RGS17: variants seen among roughly 807,000 people sequenced by gnomAD.
The protein encoded by RGS17 is regulator of G-protein signaling 17.
RGS17 carries 12 observed loss-of-function variants against 25.5 expected under a neutral mutation model. The observed-to-expected ratio is 0.47, with a 90% CI of 0.30 to 0.76. The LOEUF is 0.76. RGS17 is among the 30% of genes least tolerant of loss of function. The pLI is 0.07. For missense variants in RGS17, 196 were observed against 242.2 expected (o/e 0.81, Z 1.27); for synonymous variants, 71 against 76.9 (o/e 0.92, Z 0.40).
rs563469167 is a variant in RGS17, at chr6:153,057,542, C to A, written c.-25-13499G>T. Among the ~76,000 whole-genome samples the A allele has an allele frequency of 2.2e-4, 33 of 152,188 alleles. 1 individual carries two copies. Among genetic ancestry groups the A allele is most frequent in the African/African-American group, 7.7e-4 (32 of 41,542 alleles). ...CCTTTGGTTAGTTACTCCAGCGGTC[C>A]CCAACTTTTCTGGCACCAGGGACCA... On this transcript the variant is annotated intron_variant, in intron 1 of 4. Transcript: ENST00000206262.
intron 1 of RGS17, among the ~76,000 whole-genome samples, chr6:153,061,314 T>A (rs769278967): frequency 4.6e-5 from 7 of 152,192 alleles, no homozygotes; most frequent in Non-Finnish European, 7.3e-5. Context: ...CACTGTGCCA[T>A]TCTAAAATAA....
At chr6:153,079,487 T>C (rs1036635539) in intron 1 of RGS17, among the ~76,000 whole-genome samples, 4 of 152,230 alleles carry the variant, frequency 2.6e-5, no homozygotes, top group Non-Finnish European at 5.9e-5. Flanking sequence ...GGAATTCTAT[T>C]TCTACTTTGC....
At position 153,048,690 on chromosome 6, in the gene RGS17, G is replaced by T. The variant is rs574984099; in HGVS notation, c.-25-4647C>A. On this transcript the variant is annotated intron_variant, in intron 1 of 4. Transcript: ENST00000206262. ...GACCTTTGCACTTGTTTCACACTTA[G>T]GGTTTCACTCCTTCAAGTATTTACT... Among the ~76,000 whole-genome samples, 18 of 152,240 alleles carry T rather than the reference G, an allele frequency of 1.2e-4. No individual in the cohort carries two copies. The South Asian group carries it at 3.5e-3, about 30-fold the overall frequency.
chr6:153,067,428 A>T (rs1195148087), intron 1 of RGS17, among the ~76,000 whole-genome samples: 3 of 151,226 alleles, frequency 2.0e-5, no homozygotes, highest in Non-Finnish European at 4.4e-5. Flanking sequence ...GATTCCACTT[A>T]AAAAAAAATT....
intron 1 of RGS17, among the ~76,000 whole-genome samples, chr6:153,094,039 C>A (rs1195969722): frequency 6.6e-6 from 1 of 151,830 alleles, no homozygotes; most frequent in Non-Finnish European, 1.5e-5. Flanking sequence ...GGAGGCTTTC[C>A]ATATGTACTA....
intron 1 of RGS17, among the ~76,000 whole-genome samples, chr6:153,072,420 A>C (rs544650073): frequency 3.3e-5 from 5 of 152,320 alleles, no homozygotes; most frequent in Admixed American, 2.6e-4. Context: ...TCTTTTATTG[A>C]GGAGTTTTTA....
At chr6:153,015,843 C>T (rs1169305148) in intron 4 of RGS17, among the ~76,000 whole-genome samples, 2 of 151,992 alleles carry the variant, frequency 1.3e-5, no homozygotes, top group South Asian at 2.1e-4. Flanking sequence ...TTAGTAGAGA[C>T]GGGGTTTCTC....
chr6:153,040,782 G>T (rs1776311347), intron 2 of RGS17, among the ~76,000 whole-genome samples: 1 of 151,744 alleles, frequency 6.6e-6, no homozygotes, highest in Non-Finnish European at 1.5e-5. Flanking sequence ...ATGGGTAAAG[G>T]ACATTTTCAT....
intron 1 of RGS17, among the ~76,000 whole-genome samples, chr6:153,107,282 G>A (rs932059970): frequency 7.2e-5 from 11 of 151,994 alleles, no homozygotes; most frequent in African/African-American, 2.2e-4. Flanking sequence ...GCAGTGAGCC[G>A]AGATCGCGCC....
rs532337415 is a variant in RGS17, at chr6:153,028,035, C to T, written c.120-1492G>A. The stretch of plus-strand genomic sequence containing the variant: ...GAAATATTAATTTCTGACAAGCGGG[C>T]CCATCTACAATGGAAAGTGAGGCTA... On this transcript the variant is annotated intron_variant, in intron 2 of 4. Transcript: ENST00000206262. Among the ~76,000 whole-genome samples the T allele has an allele frequency of 3.9e-5, 6 of 152,180 alleles. No homozygotes were observed. The East Asian group carries it at 1.2e-3, about 29-fold the overall frequency.
chr6:153,123,175 T>C (rs1163113352), intron 1 of RGS17, among the ~76,000 whole-genome samples: 1 of 144,040 alleles, frequency 6.9e-6, no homozygotes, highest in Non-Finnish European at 1.5e-5. Context: ...AAGACACTAG[T>C]TTTCCTTTGC....
intron 1 of RGS17, among the ~76,000 whole-genome samples, chr6:153,117,829 T>C (rs1165442977): frequency 2.0e-5 from 3 of 152,220 alleles, no homozygotes; most frequent in East Asian, 1.9e-4. Flanking sequence ...TATCAATCAC[T>C]GGCACTGCTT....
At chr6:153,073,705 C>G (rs562586268) in intron 1 of RGS17, among the ~76,000 whole-genome samples, 1 of 152,234 alleles carries the variant, frequency 6.6e-6, no homozygotes, top group East Asian at 1.9e-4. Flanking sequence ...AAGCCATCAG[C>G]TTAGGTGACT....
At chr6:153,127,179 G>C (rs1422209886) in intron 1 of RGS17, among the ~76,000 whole-genome samples, 1 of 152,164 alleles carries the variant, frequency 6.6e-6, no homozygotes, top group Non-Finnish European at 1.5e-5. Context: ...ACAGGAGGAG[G>C]AGCTCAGGAG....
chr6:153,036,798 T>C (rs529923348), intron 2 of RGS17, among the ~76,000 whole-genome samples: 7 of 152,296 alleles, frequency 4.6e-5, no homozygotes, highest in African/African-American at 1.7e-4. Flanking sequence ...TATGCACTTC[T>C]CTCCATCCCT....
At chr6:153,100,787 A>C (rs1260375333) in intron 1 of RGS17, among the ~76,000 whole-genome samples, 1 of 152,212 alleles carries the variant, frequency 6.6e-6, no homozygotes, top group Non-Finnish European at 1.5e-5. Flanking sequence ...CTATAACCTA[A>C]ATGAAGGTGT....
chr6:153,012,391 G>A (rs531973481), intron 4 of RGS17, among the ~76,000 whole-genome samples: 1 of 152,298 alleles, frequency 6.6e-6, no homozygotes, highest in Non-Finnish European at 1.5e-5. Flanking sequence ...CAGTTGCTTG[G>A]AGTGAGATCT....
At chr6:153,108,144 T>C (rs984391621) in intron 1 of RGS17, among the ~76,000 whole-genome samples, 3 of 152,214 alleles carry the variant, frequency 2.0e-5, no homozygotes, top group South Asian at 2.1e-4. Flanking sequence ...GCTTCTGCTC[T>C]TCATTCATTT....
intron 2 of RGS17, among the ~76,000 whole-genome samples, chr6:153,027,501 G>A (rs1053214761): frequency 7.2e-5 from 11 of 152,064 alleles, no homozygotes; most frequent in African/African-American, 2.7e-4. Flanking sequence ...TTAAGAGCCT[G>A]GCAGAGAGCA....
Sources: gnomAD v4.1 joint callset for allele counts (sites outside exome capture counted in the v4.1 genomes callset) on GRCh38, gnomAD v4.1.1 for gene constraint, MANE v1.5 for transcripts, NCBI Gene and HGNC (gene_info 2026-07-23, HGNC 2026-07-21) for gene names.